Variants in NALF1 observed in about 807,000 individuals in gnomAD.
The protein encoded by NALF1 is NALCN channel auxiliary factor 1.
A neutral mutation model predicts 48.4 loss-of-function variants in NALF1; 3 were observed. That is an observed-to-expected ratio of 0.06 (90% CI 0.03 to 0.16). The LOEUF is 0.16. NALF1 is among the 10% of genes least tolerant of loss of function. The pLI is 1.00. For synonymous variants in NALF1, 262 were observed against 245.7 expected (o/e 1.07, Z -0.62); for missense variants, 526 against 571.5 (o/e 0.92, Z 0.81).
chr13:107,861,343 A>G (rs1594319571), intron 1 of NALF1, among the ~76,000 whole-genome samples: 1 of 152,366 alleles, frequency 6.6e-6, no homozygotes, highest in South Asian at 2.1e-4. Flanking sequence ...ATAAAGTGGT[A>G]GAATATTAAA....
At chr13:107,402,602 TTAACTTATGTGTA>T (rs1181797423) in intron 1 of NALF1, among the ~76,000 whole-genome samples, 1 of 152,204 alleles carries the variant, frequency 6.6e-6, no homozygotes. Flanking sequence ...TCACATGGTT[TTAACTTATGTGTA>T]TGTTAGCTGG....
chr13:107,263,249 G>GGC (rs1258053108), intron 1 of NALF1, among the ~76,000 whole-genome samples: 4 of 138,368 alleles, frequency 2.9e-5, no homozygotes, highest in African/African-American at 1.1e-4. Context: ...AATGCTAACA[G>GGC]ACACACACAC....
intron 2 of NALF1, among the ~76,000 whole-genome samples, chr13:107,174,952 C>G (rs910603544): frequency 4.7e-5 from 7 of 149,622 alleles, no homozygotes; most frequent in African/African-American, 7.5e-5. Flanking sequence ...GGCGCGATCT[C>G]GGCTCACTGC....
chr13:107,693,116 C>T (rs775943875), intron 1 of NALF1, among the ~76,000 whole-genome samples: 1 of 152,186 alleles, frequency 6.6e-6, no homozygotes, highest in Non-Finnish European at 1.5e-5. Context: ...CTCCCACCAA[C>T]AGTGTAAAAG....
intron 1 of NALF1, among the ~76,000 whole-genome samples, chr13:107,688,876 TACCTAATGAAA>T (rs1286592853): frequency 6.6e-5 from 10 of 152,126 alleles, no homozygotes; most frequent in Admixed American, 2.6e-4. Flanking sequence ...CGAAATGCAT[TACCTAATGAAA>T]ATGACACCAA....
At chr13:107,619,079 A>G (rs1167722027) in intron 1 of NALF1, among the ~76,000 whole-genome samples, 3 of 152,174 alleles carry the variant, frequency 2.0e-5, no homozygotes, top group Non-Finnish European at 4.4e-5. Flanking sequence ...GCTACCAAGC[A>G]CTTGCACTGA....
chr13:107,490,924 C>T (rs922549523), intron 1 of NALF1, among the ~76,000 whole-genome samples: 14 of 152,162 alleles, frequency 9.2e-5, no homozygotes, highest in African/African-American at 2.9e-4. Flanking sequence ...ACAAGGACAC[C>T]TGTGCCCCTA....
chr13:107,593,217 C>T (rs558891763), intron 1 of NALF1, among the ~76,000 whole-genome samples: 8 of 151,952 alleles, frequency 5.3e-5, no homozygotes, highest in Admixed American at 2.6e-4. Flanking sequence ...ACCTTAAGAA[C>T]ATTTAATGCT....
rs78036040 is a variant in NALF1, at chr13:107,554,273, G to A, written c.915+311409C>T. Among the ~76,000 whole-genome samples, 446 of 152,322 alleles carry A rather than the reference G, an allele frequency of 2.9e-3. 4 individuals carry two copies. The highest frequency in any genetic ancestry group is 0.01 in the African/African-American group (417 of 41,560). On this transcript the variant is annotated intron_variant, in intron 1 of 2. Transcript: ENST00000375915. ...TCAGATTTCTGTAGAGAAATTCAGA[G>A]TATAGAACTATGTCTTTCCTTCTGT... is the stretch of plus-strand genomic sequence containing the variant.
chr13:107,325,845 C>CATATATAT (rs1229746465), intron 1 of NALF1, among the ~76,000 whole-genome samples: 1 of 44,058 alleles, frequency 2.3e-5, no homozygotes, highest in African/African-American at 7.3e-5. Flanking sequence ...TGTCTCAACA[C>CATATATAT]ACACACACAC....
rs1594307401 is a variant in NALF1 at position 107,840,370 on chromosome 13, T to TG, written c.915+25311dup. ...CTTGCATTTTAAAAGTGGCAGTAGG[T>TG]GGTCCATATTGGTTTAGGAGACCCA... On this transcript the variant is annotated intron_variant, in intron 1 of 2. Coordinates refer to ENST00000375915, the MANE Select transcript of NALF1 (RefSeq NM_001080396.3). Among the ~76,000 whole-genome samples the TG allele has an allele frequency of 6.6e-5, 10 of 152,330 alleles. No homozygotes were observed. In the East Asian group the frequency reaches 1.9e-3, roughly 29 times the overall value.
intron 1 of NALF1, among the ~76,000 whole-genome samples, chr13:107,780,743 C>T (rs971308039): frequency 1.3e-5 from 2 of 152,038 alleles, no homozygotes; most frequent in African/African-American, 4.8e-5. Flanking sequence ...ACCAGCCTGA[C>T]TAACATGGTG....
At chr13:107,818,316 A>C (rs1416507815) in intron 1 of NALF1, among the ~76,000 whole-genome samples, 3 of 152,170 alleles carry the variant, frequency 2.0e-5, no homozygotes, top group African/African-American at 7.2e-5. Flanking sequence ...AAGAGAGCCA[A>C]GTTCTCTCTG....
chr13:107,783,853 T>A, intron 1 of NALF1, among the ~76,000 whole-genome samples: 2 of 134,682 alleles, frequency 1.5e-5, no homozygotes, highest in East Asian at 2.1e-4. Flanking sequence ...CACCCAAGAA[T>A]GATCAATAAA....
In NALF1 at chr13:107,167,437, C is replaced by A. The variant is rs1248189817; in HGVS notation, c.*3060G>T. On this transcript the variant is annotated 3_prime_UTR_variant, in exon 3 of 3. Coordinates refer to ENST00000375915, the MANE Select transcript of NALF1 (RefSeq NM_001080396.3). The stretch of plus-strand genomic sequence containing the variant: ...TTGTTTCTGAGCTTGGGAAAGGAGT[C>A]GTTGCCTATTTGGATCCTCTGCCTG... The A allele has an allele frequency of 6.6e-6, 1 of 152,172 alleles. No homozygotes were observed. The highest frequency in any genetic ancestry group is 1.5e-5 in the Non-Finnish European group (1 of 68,034). The allele number at this position is 152,172 out of a possible 1,614,324, so 9.4% of individuals were successfully genotyped here. A position where few individuals can be genotyped will look rare whatever the true frequency, so the allele number is the denominator to read the frequency against.
intron 2 of NALF1, among the ~76,000 whole-genome samples, chr13:107,189,281 C>T (rs1292412675): frequency 6.6e-6 from 1 of 152,192 alleles, no homozygotes; most frequent in Non-Finnish European, 1.5e-5. Context: ...CTAACACACA[C>T]TGCAAAATAT....
At chr13:107,177,353 C>T (rs1878960472) in intron 2 of NALF1, among the ~76,000 whole-genome samples, 1 of 152,062 alleles carries the variant, frequency 6.6e-6, no homozygotes, top group African/African-American at 2.4e-5. Context: ...GAAGTAATTG[C>T]AGTAATACCA....
intron 1 of NALF1, among the ~76,000 whole-genome samples, chr13:107,704,032 G>A (rs1273806749): frequency 6.6e-6 from 1 of 151,950 alleles, no homozygotes; most frequent in African/African-American, 2.4e-5. Context: ...TCCTACCTTT[G>A]GAAATTAAAA....
At chr13:107,212,966 CTCCCTCACACGT>C (rs1339521406) in intron 1 of NALF1, among the ~76,000 whole-genome samples, 1 of 152,096 alleles carries the variant, frequency 6.6e-6, no homozygotes, top group Non-Finnish European at 1.5e-5. Flanking sequence ...ATTCCCACCG[CTCCCTCACACGT>C]TGCCTTTCCA....
Sources: gnomAD v4.1 joint callset for allele counts (sites outside exome capture counted in the v4.1 genomes callset) on GRCh38, gnomAD v4.1.1 for gene constraint, MANE v1.5 for transcripts, NCBI Gene and HGNC (gene_info 2026-07-23, HGNC 2026-07-21) for gene names.